The following LAMA3 variants were observed in gnomAD, a reference collection of about 807,000 sequenced individuals.
LAMA3 encodes laminin subunit alpha 3.
In LAMA3, 281 loss-of-function variants were observed where a neutral mutation model predicts 402.0. The ratio of observed to expected loss-of-function variants is 0.70; its 90% CI spans 0.63 to 0.77. The LOEUF (loss-of-function observed/expected upper bound fraction) is 0.77, where lower values mean the gene tolerates loss of function less well. Among genes scored for constraint, LAMA3 ranks in the 30% least tolerant of loss-of-function variants. The probability of loss-of-function intolerance (pLI) is 0.00; values close to 1 mark genes in which losing one functional copy is unlikely to be tolerated. For synonymous variants in LAMA3, 1,431 were observed against 1,558.4 expected (o/e 0.92, Z 1.93); for missense variants, 3,840 against 4,215.5 (o/e 0.91, Z 2.47).
chr18:23,814,172 G>A (rs1367678589), intron 14 of LAMA3, among the ~76,000 whole-genome samples: 2 of 152,072 alleles, frequency 1.3e-5, no homozygotes, highest in African/African-American at 4.8e-5. Context: ...TTATTTTCCA[G>A]TTTCTTTTTA....
At chr18:23,813,579 T>C (rs888453689) in intron 14 of LAMA3, among the ~76,000 whole-genome samples, 5 of 149,456 alleles carry the variant, frequency 3.3e-5, no homozygotes, top group African/African-American at 1.2e-4. Flanking sequence ...TTTTTGCTCT[T>C]GTCGCCCAGG....
chr18:23,689,631 T>C lies in LAMA3; in HGVS notation c.-53T>C, dbSNP rs2060539041. 2.4e-6 allele frequency: 3 copies of C among 1,237,012 alleles called. No homozygotes were observed. Among genetic ancestry groups the C allele is most frequent in the Non-Finnish European group, 3.0e-6 (3 of 991,476 alleles). The allele number at this position is 1,237,012 out of a possible 1,614,324, so 76.6% of individuals were successfully genotyped here. On this transcript the variant is annotated 5_prime_UTR_variant, in exon 1 of 75. Coordinates refer to ENST00000313654, the MANE Select transcript of LAMA3 (RefSeq NM_198129.4). ...GGGAGGCGCAGGCGGAGAGCGGCGG[T>C]GCCCCCGAGCCCCTCTGCGGACGGC...
Position 23,750,911 on chromosome 18 carries a change from A to T in LAMA3, c.685-7A>T, listed in dbSNP as rs756268930. 6 of 1,614,040 alleles carry T rather than the reference A, an allele frequency of 3.7e-6. No homozygotes were observed. Among genetic ancestry groups the T allele is most frequent in the Non-Finnish European group, 5.1e-6 (6 of 1,179,970 alleles). Reference sequence around the variant, plus strand: ...TTTCCCCCTTTATGTGTGTGTGGTCATTTTAGGTTGTGGTGTCCTTGATAA... The same window carrying T: ...TTTCCCCCTTTATGTGTGTGTGGTCTTTTTAGGTTGTGGTGTCCTTGATAA... On this transcript the variant is annotated splice_polypyrimidine_tract_variant and splice_region_variant and intron_variant, in intron 4 of 74. Transcript: ENST00000313654.
At chr18:23,882,678 T>A (rs2144928271) in intron 40 of LAMA3, among the ~76,000 whole-genome samples, 1 of 152,144 alleles carries the variant, frequency 6.6e-6, no homozygotes, top group African/African-American at 2.4e-5. Context: ...GCTTTTCCTT[T>A]CCCTCTTTTC....
chr18:23,793,150 C>A (rs1255415583), intron 12 of LAMA3, among the ~76,000 whole-genome samples: 1 of 152,030 alleles, frequency 6.6e-6, no homozygotes, highest in African/African-American at 2.4e-5. Flanking sequence ...TCAGTGGGTG[C>A]TGGGACATAG....
rs267605130 is a variant in LAMA3, at chr18:23,816,418, C to G, written c.2078C>G (p.Ser693Cys). The G allele has an allele frequency of 1.2e-6, 2 of 1,614,002 alleles. No individual in the cohort carries two copies. Among genetic ancestry groups the G allele is most frequent in the Admixed American group, 3.3e-5 (2 of 59,994 alleles). The change falls in exon 18 of 75, where the codon TCC becomes TGC. Residue 693 changes from serine (S) to cysteine (C), a missense_variant. By Grantham distance (112) the Ser-to-Cys change is moderately radical (BLOSUM62 -1). Transcript: ENST00000313654. ...GCQCDIGGAL[S>C]SMCSGPSGVC... is the part of the protein sequence containing the mutation. ...CAGTGTGACATTGGTGGGGCATTGT[C>G]CTCCATGTGCAGTGGGCCCTCGGGA...
intron 35 of LAMA3, 150 bp downstream of exon 35, chr18:23,861,957 C>T: frequency 1.2e-6 from 1 of 858,806 alleles, no homozygotes; most frequent in Non-Finnish European, 1.8e-6. Flanking sequence ...AGGAAGAGAC[C>T]CTGCCTCCTG....
intron 29 of LAMA3, among the ~76,000 whole-genome samples, chr18:23,843,906 T>TGG (rs1430567554): frequency 6.6e-6 from 1 of 152,246 alleles, no homozygotes; most frequent in Non-Finnish European, 1.5e-5. Flanking sequence ...TGACATTTTC[T>TGG]GTCTGTTTCT....
intron 41 of LAMA3, 29 bp from the exon 42 acceptor site, chr18:23,889,982 G>A: frequency 1.3e-6 from 2 of 1,528,092 alleles, no homozygotes; most frequent in Non-Finnish European, 1.8e-6. Flanking sequence ...TTATTTGGGT[G>A]TTTCTCCTCC....
chr18:23,846,614 G>GTGCTT, intron 31 of LAMA3, 106 bp downstream of exon 31: 1 of 1,042,358 alleles, frequency 9.6e-7, no homozygotes, highest in Non-Finnish European at 1.4e-6. Flanking sequence ...CTCACCTGGA[G>GTGCTT]ATCTGGAGAA....
At chr18:23,831,000 T>C (rs1176357400) in intron 23 of LAMA3, among the ~76,000 whole-genome samples, 1 of 152,200 alleles carries the variant, frequency 6.6e-6, no homozygotes, top group African/African-American at 2.4e-5. Flanking sequence ...GCCAAAATTC[T>C]TAGGGTCATC....
intron 27 of LAMA3, 139 bp from the exon 28 acceptor site, chr18:23,842,256 A>G: frequency 9.6e-7 from 1 of 1,040,408 alleles, no homozygotes; most frequent in Non-Finnish European, 1.5e-6. Context: ...CTTCTGGGTG[A>G]AGATGGGTTG....
rs1018352896 is a variant in LAMA3 at position 23,879,055 on chromosome 18, T to C, written c.5112+2648T>C. On this transcript the variant is annotated intron_variant, in intron 39 of 74. Transcript: ENST00000313654. This position sits in a 1 kb window ranked among gnomAD's most constrained non-coding sequence, Gnocchi z 4.2. ...CTCTCCGTTCCTATTTCCCTCCCCT[T>C]TTCTTTTTCTGTCTTCTTTCTTCAT... Among the ~76,000 whole-genome samples, 1 of 152,122 alleles carries C rather than the reference T, an allele frequency of 6.6e-6. No individual in the cohort carries two copies. Among genetic ancestry groups the C allele is most frequent in the Admixed American group, 6.5e-5 (1 of 15,276 alleles).
At chr18:23,813,170 A>T in intron 14 of LAMA3, 67 bp downstream of exon 14, 1 of 1,060,076 alleles carries the variant, frequency 9.4e-7, no homozygotes, top group Middle Eastern at 2.0e-4. Flanking sequence ...TTAAGGACTA[A>T]CAGTGTGGGC....
At chr18:23,738,316 T>C (rs2061510069) in intron 2 of LAMA3, among the ~76,000 whole-genome samples, 1 of 151,756 alleles carries the variant, frequency 6.6e-6, no homozygotes, top group Non-Finnish European at 1.5e-5. Flanking sequence ...AAGTGCAATC[T>C]AGCAAGCAGA....
chr18:23,708,838 T>C (rs1379565386), intron 1 of LAMA3, among the ~76,000 whole-genome samples: 1 of 151,624 alleles, frequency 6.6e-6, no homozygotes, highest in African/African-American at 2.4e-5. Flanking sequence ...CTCACTATAC[T>C]ACAGCCTCAA....
chr18:23,784,278 T>A (rs2062496082), intron 12 of LAMA3, 121 bp downstream of exon 12: 2 of 1,141,744 alleles, frequency 1.8e-6, no homozygotes, highest in Non-Finnish European at 2.6e-6. Context: ...GGCCCCTGGC[T>A]TATATATGGA....
At chr18:23,803,215 T>C (rs2062896855) in intron 12 of LAMA3, among the ~76,000 whole-genome samples, 1 of 152,212 alleles carries the variant, frequency 6.6e-6, no homozygotes, top group South Asian at 2.1e-4. Flanking sequence ...CCTTCCATGA[T>C]AGGACAGTTC....
At chr18:23,865,269 T>C (rs962804834) in intron 36 of LAMA3, among the ~76,000 whole-genome samples, 17 of 152,214 alleles carry the variant, frequency 1.1e-4, no homozygotes, top group African/African-American at 3.9e-4. Context: ...ACTGGAGTTA[T>C]AGGCACACAC....
Sources: gnomAD v4.1 joint callset for allele counts (sites outside exome capture counted in the v4.1 genomes callset) on GRCh38, gnomAD v4.1.1 for gene constraint, Gnocchi (gnomAD v3.1) non-coding constraint, MANE v1.5 for transcripts, NCBI Gene and HGNC (gene_info 2026-07-23, HGNC 2026-07-21) for gene names.